PLAAT1: variants seen among roughly 807,000 people sequenced by gnomAD.
PLAAT1 encodes H-REV107 protein-related protein.
A neutral mutation model predicts 16.4 loss-of-function variants in PLAAT1; 13 were observed. That is an observed-to-expected ratio of 0.79 (90% CI 0.52 to 1.26). The LOEUF (loss-of-function observed/expected upper bound fraction) is 1.26, where lower values mean the gene tolerates loss of function less well. Among genes scored for constraint, PLAAT1 ranks in the 50% most tolerant of loss-of-function variants. The probability of loss-of-function intolerance (pLI) is 0.00; values close to 1 mark genes in which losing one functional copy is unlikely to be tolerated. For missense variants in PLAAT1, 218 were observed against 207.8 expected (o/e 1.05, Z -0.30); for synonymous variants, 73 against 78.4 (o/e 0.93, Z 0.36).
chr3:193,273,030 A>G (rs970138394), downstream of PLAAT1, among the ~76,000 whole-genome samples: 3 of 152,368 alleles, frequency 2.0e-5, no homozygotes, highest in Middle Eastern at 6.8e-3. Flanking sequence ...AAGAATAAAA[A>G]TTATGAAATA....
intron 1 of PLAAT1, among the ~76,000 whole-genome samples, chr3:193,246,591 G>T (rs1715992997): frequency 6.6e-6 from 1 of 152,062 alleles, no homozygotes; most frequent in African/African-American, 2.4e-5. Flanking sequence ...AGAACTCCTG[G>T]GCTCAAGATA....
intron 2 of PLAAT1, among the ~76,000 whole-genome samples, chr3:193,260,445 C>T (rs1214928889): frequency 1.3e-5 from 2 of 152,122 alleles, no homozygotes; most frequent in Non-Finnish European, 2.9e-5. Context: ...TATTCATAAA[C>T]TGTGCATCTG....
downstream of PLAAT1, among the ~76,000 whole-genome samples, chr3:193,272,014 C>T (rs955007598): frequency 6.6e-6 from 1 of 152,086 alleles, no homozygotes. Context: ...CTCAAAGACT[C>T]TCTTCTTCCA....
chr3:193,266,129 A>C (rs1352472409), intron 3 of PLAAT1, among the ~76,000 whole-genome samples: 1 of 152,114 alleles, frequency 6.6e-6, no homozygotes, highest in African/African-American at 2.4e-5. Flanking sequence ...AGCACAAACC[A>C]ACAAAGGGAG....
intron 1 of PLAAT1, among the ~76,000 whole-genome samples, chr3:193,245,366 G>A (rs544437468): frequency 3.9e-5 from 6 of 152,220 alleles, no homozygotes; most frequent in South Asian, 2.1e-4. Flanking sequence ...CACTAATGAC[G>A]AAATTTCCTT....
intron 2 of PLAAT1, among the ~76,000 whole-genome samples, chr3:193,277,373 C>G (rs918631360): frequency 6.6e-6 from 1 of 152,116 alleles, no homozygotes; most frequent in African/African-American, 2.4e-5. Flanking sequence ...TAAGGGTACA[C>G]ATTAATCATT....
chr3:193,268,028 A>T (rs1226480154), intron 3 of PLAAT1, among the ~76,000 whole-genome samples: 1 of 152,120 alleles, frequency 6.6e-6, no homozygotes, highest in African/African-American at 2.4e-5. Context: ...TTTTTAATTC[A>T]GCTGTTCATT....
At chr3:193,271,942 C>T (rs1044740672), downstream of PLAAT1, among the ~76,000 whole-genome samples, 2 of 152,048 alleles carry the variant, frequency 1.3e-5, no homozygotes, top group African/African-American at 4.8e-5. Context: ...CCCTATATCT[C>T]GTCCCTTCTT....
At chr3:193,264,954 C>T (rs1331580563) in intron 3 of PLAAT1, among the ~76,000 whole-genome samples, 1 of 152,210 alleles carries the variant, frequency 6.6e-6, no homozygotes, top group Non-Finnish European at 1.5e-5. Context: ...ATCAAAGCCA[C>T]AATGAGATTT....
intron 3 of PLAAT1, among the ~76,000 whole-genome samples, chr3:193,265,660 TAAA>T (rs1261655666): frequency 1.3e-5 from 2 of 151,214 alleles, no homozygotes; most frequent in Non-Finnish European, 3.0e-5. Context: ...TTTTTTTAAA[TAAA>T]AAGGTTTGGG....
chr3:193,279,976 TAAAAAA>T (rs57617984), downstream of PLAAT1, among the ~76,000 whole-genome samples: 6 of 59,890 alleles, frequency 1.0e-4, no homozygotes, highest in Admixed American at 1.2e-3. Flanking sequence ...GTGTCTTTGT[TAAAAAA>T]AAAAAAAAAA....
At chr3:193,281,129 A>G (rs995939283), downstream of PLAAT1, 6 of 962,234 alleles carry the variant, frequency 6.2e-6, no homozygotes, top group Middle Eastern at 5.3e-4. Context: ...GGATAAAGCA[A>G]TCTAAATGGC....
downstream of PLAAT1, chr3:193,275,274 C>T: frequency 1.9e-6 from 3 of 1,613,784 alleles, no homozygotes; most frequent in South Asian, 1.1e-5. Context: ...GATCAACAGC[C>T]AGAGTTCATG....
chr3:193,275,437 T>G, downstream of PLAAT1: 1 of 1,010,406 alleles, frequency 9.9e-7, no homozygotes, highest in Non-Finnish European at 1.4e-6. Flanking sequence ...CTACCTCTCC[T>G]TTCCCAAGTT....
At chr3:193,259,773 A>G (rs1716515659) in intron 2 of PLAAT1, among the ~76,000 whole-genome samples, 1 of 152,218 alleles carries the variant, frequency 6.6e-6, no homozygotes, top group Non-Finnish European at 1.5e-5. Context: ...ATTGGAAGAA[A>G]TAATATTAAA....
chr3:193,265,647 AT>A (rs1031450221), intron 3 of PLAAT1, among the ~76,000 whole-genome samples: 13 of 151,988 alleles, frequency 8.6e-5, no homozygotes, highest in African/African-American at 2.4e-4. Flanking sequence ...AGATCTCAAA[AT>A]TTTTTTTTAA....
intron 3 of PLAAT1, 109 bp downstream of exon 3, chr3:193,263,344 A>G: frequency 9.4e-7 from 1 of 1,059,090 alleles, no homozygotes; most frequent in Non-Finnish European, 1.3e-6. Flanking sequence ...ATACGAGAAT[A>G]CTGAAGGATA....
At chr3:193,275,063 C>T (rs1717122868), downstream of PLAAT1, 2 of 1,614,170 alleles carry the variant, frequency 1.2e-6, no homozygotes, top group Non-Finnish European at 1.7e-6. Flanking sequence ...CCCAGAAATG[C>T]TGTTCTGTGG....
chr3:193,241,175 G>A, upstream of PLAAT1: 1 of 1,212,184 alleles, frequency 8.2e-7, no homozygotes, highest in Non-Finnish European at 1.0e-6. Flanking sequence ...AGGTCTAGCC[G>A]GAGCGACTGT....
Sources: allele counts gnomAD v4.1 joint callset (sites outside exome capture counted in the v4.1 genomes callset), GRCh38; gene constraint gnomAD v4.1.1; transcripts MANE v1.5; gene names NCBI Gene and HGNC (gene_info 2026-07-23, HGNC 2026-07-21).